Variants in PLB1 observed in about 807,000 individuals in gnomAD.
PLB1 encodes phospholipase B1, membrane-associated.
Under a neutral mutation model 227.4 loss-of-function variants are expected in PLB1, and 242 were observed. The ratio of observed to expected loss-of-function variants is 1.06; its 90% CI spans 0.96 to 1.18. The LOEUF is 1.18. Among genes scored for constraint, PLB1 ranks in the 50% most tolerant of loss-of-function variants. The pLI is 0.00. For synonymous variants in PLB1, 757 were observed against 682.2 expected, an observed-to-expected ratio of 1.11 and a Z score of -1.71; for missense variants, 1,858 against 1,816.3, an observed-to-expected ratio of 1.02 and a Z score of -0.42.
At chr2:28,501,269 A>G (rs1013900702) in intron 1 of PLB1, among the ~76,000 whole-genome samples, 3 of 152,208 alleles carry the variant, frequency 2.0e-5, no homozygotes, top group Non-Finnish European at 4.4e-5. Context: ...TCACTTACTG[A>G]ATCCTACAAT....
At chr2:28,526,039 C>T in intron 6 of PLB1, 94 bp downstream of exon 6, 2 of 1,389,752 alleles carry the variant, frequency 1.4e-6, no homozygotes, top group Non-Finnish European at 2.0e-6. Flanking sequence ...ACACCACCAG[C>T]CACTTTATCA....
chr2:28,581,482 CAAAAAAATAAAT>C (rs1323293020), intron 23 of PLB1, among the ~76,000 whole-genome samples: 9 of 58,310 alleles, frequency 1.5e-4, no homozygotes, highest in African/African-American at 7.8e-4. Flanking sequence ...GAGCTCCACG[CAAAAAAATAAAT>C]AAATAAATAA....
intron 29 of PLB1, among the ~76,000 whole-genome samples, chr2:28,590,864 A>G (rs1681786581): frequency 6.6e-6 from 1 of 152,178 alleles, no homozygotes; most frequent in Admixed American, 6.5e-5. Context: ...GAGAGGCAGC[A>G]CAGCCATCTT....
chr2:28,522,818 T>C (rs1669699931), intron 4 of PLB1, among the ~76,000 whole-genome samples: 1 of 152,180 alleles, frequency 6.6e-6, no homozygotes, highest in South Asian at 2.1e-4. Context: ...GATAAAAACC[T>C]GAAAGCACAA....
At position 28,508,969 on chromosome 2, in the gene PLB1, C is replaced by A. The variant is rs78615734; in HGVS notation, c.56-7839C>A. On this transcript the variant is annotated intron_variant, in intron 1 of 57. Coordinates refer to ENST00000327757, the MANE Select transcript of PLB1 (RefSeq NM_153021.5). ...TTTCATCCAGGGAGACAAGTCACCT[C>A]TTCCCTGTGTATGGCCCTCTCTCAC... is the stretch of plus-strand genomic sequence containing the variant. Among the ~76,000 whole-genome samples, 26 of 152,346 alleles carry A rather than the reference C, an allele frequency of 1.7e-4. No homozygotes were observed. In the East Asian group the frequency reaches 4.8e-3, roughly 28 times the overall value.
intron 43 of PLB1, among the ~76,000 whole-genome samples, chr2:28,610,279 T>C (rs1019095721): frequency 1.3e-5 from 2 of 152,062 alleles, no homozygotes; most frequent in Non-Finnish European, 1.5e-5. Context: ...CACACTTTCT[T>C]ACCACCTGAA....
chr2:28,566,088 G>C (rs1454102298), intron 19 of PLB1, among the ~76,000 whole-genome samples: 1 of 152,162 alleles, frequency 6.6e-6, no homozygotes, highest in East Asian at 1.9e-4. Flanking sequence ...AGCCCGGGCA[G>C]GTTTGGTGTT....
chr2:28,590,286 G>T (rs563754891), intron 29 of PLB1, among the ~76,000 whole-genome samples: 1 of 152,260 alleles, frequency 6.6e-6, no homozygotes, highest in Admixed American at 6.5e-5. Flanking sequence ...TGGTCCCTGC[G>T]TGGCTGGGAG....
chr2:28,605,552 C>T (rs781625393), intron 41 of PLB1, among the ~76,000 whole-genome samples: 1 of 152,136 alleles, frequency 6.6e-6, no homozygotes, highest in Non-Finnish European at 1.5e-5. Flanking sequence ...CCCACTCCTT[C>T]ATCTGTGGCA....
rs922684300 is a variant in PLB1 at position 28,579,853 on chromosome 2, A to G, written c.1566+146A>G. 4 of 668,746 alleles carry G rather than the reference A, an allele frequency of 6.0e-6. No homozygotes were observed. The Admixed American group carries it at 7.0e-5, about 12-fold the overall frequency. The allele number at this position is 668,746 out of a possible 1,614,324, so 41.4% of individuals were successfully genotyped here. A position where few individuals can be genotyped will look rare whatever the true frequency, so the allele number is the denominator to read the frequency against. Reference sequence around the variant, plus strand: ...GATCCAGCCTGGGATGAACCCTGAGACTGAGAAGGCATTCACCTCCAGGGA... The same window carrying G: ...GATCCAGCCTGGGATGAACCCTGAGGCTGAGAAGGCATTCACCTCCAGGGA... On this transcript the variant is annotated intron_variant, in intron 23 of 57. Coordinates refer to ENST00000327757, the MANE Select transcript of PLB1 (RefSeq NM_153021.5).
At chr2:28,522,358 G>A (rs1475414841) in intron 4 of PLB1, among the ~76,000 whole-genome samples, 2 of 152,116 alleles carry the variant, frequency 1.3e-5, no homozygotes, top group Non-Finnish European at 2.9e-5. Context: ...TATCGATGCT[G>A]ATGGTTTTTA....
intron 38 of PLB1, 71 bp from the exon 39 acceptor site, chr2:28,602,750 C>A: frequency 7.2e-7 from 1 of 1,389,754 alleles, no homozygotes. Flanking sequence ...GGAACCCATT[C>A]CTAGGGGCCC....
At chr2:28,628,047 A>G (rs1688047848) in intron 51 of PLB1, among the ~76,000 whole-genome samples, 1 of 152,230 alleles carries the variant, frequency 6.6e-6, no homozygotes, top group African/African-American at 2.4e-5. Context: ...TGCTGTGGAC[A>G]CACCTCTAAA....
chr2:28,628,346 G>A (rs868796242), intron 51 of PLB1, among the ~76,000 whole-genome samples: 4 of 152,256 alleles, frequency 2.6e-5, no homozygotes, highest in Middle Eastern at 3.4e-3. Context: ...CAGGGTGGGG[G>A]TTGGGATTGT....
intron 41 of PLB1, among the ~76,000 whole-genome samples, chr2:28,605,045 G>A (rs13019586): frequency 0.07 from 10,705 of 152,274 alleles, 530 homozygotes; most frequent in Non-Finnish European, 0.11. Flanking sequence ...GTGATCATCC[G>A]CATGGAACAC....
chr2:28,578,497 C>T (rs532481620), intron 22 of PLB1, among the ~76,000 whole-genome samples: 33 of 152,178 alleles, frequency 2.2e-4, no homozygotes, highest in African/African-American at 6.0e-4. Context: ...GTATAAGACA[C>T]GGTGGGGTGC....
chr2:28,614,219 A>G, intron 44 of PLB1, 123 bp downstream of exon 44: 1 of 987,226 alleles, frequency 1.0e-6, no homozygotes, highest in Non-Finnish European at 1.6e-6. Context: ...CATACTGGGG[A>G]TTGGAATGTA....
chr2:28,642,438 A>G (rs1043569526), intron 57 of PLB1, among the ~76,000 whole-genome samples: 2 of 152,120 alleles, frequency 1.3e-5, no homozygotes, highest in African/African-American at 4.8e-5. Flanking sequence ...TCTTTCATCT[A>G]CTACAAAACC....
intron 3 of PLB1, among the ~76,000 whole-genome samples, chr2:28,518,851 C>G (rs1572706318): frequency 6.6e-6 from 1 of 152,166 alleles, no homozygotes; most frequent in Non-Finnish European, 1.5e-5. Context: ...GGACCTTTTT[C>G]CCCACAATGG....
Sources: allele counts gnomAD v4.1 joint callset (sites outside exome capture counted in the v4.1 genomes callset), GRCh38; gene constraint gnomAD v4.1.1; transcripts MANE v1.5; gene names NCBI Gene and HGNC (gene_info 2026-07-23, HGNC 2026-07-21).